The following ZNF592 variants were observed in gnomAD, a reference collection of about 807,000 sequenced individuals.
ZNF592 encodes the protein spinocerebellar ataxia, autosomal recessive 5.
A neutral mutation model predicts 80.3 loss-of-function variants in ZNF592; 11 were observed. The observed-to-expected ratio is 0.14, with a 90% CI of 0.09 to 0.23. ZNF592 has a LOEUF of 0.23. ZNF592 is among the 10% of genes least tolerant of loss of function. The pLI, the probability that ZNF592 is intolerant of heterozygous loss-of-function variation, is 1.00. For synonymous variants in ZNF592, 646 were observed against 640.3 expected, an observed-to-expected ratio of 1.01 and a Z score of -0.13; for missense variants, 1,420 against 1,633.9, an observed-to-expected ratio of 0.87 and a Z score of 2.26.
intron 2 of ZNF592, among the ~76,000 whole-genome samples, chr15:84,773,868 G>A (rs779443412): frequency 2.6e-5 from 4 of 152,150 alleles, no homozygotes; most frequent in Non-Finnish European, 5.9e-5. Flanking sequence ...TTGAGGTATG[G>A]GGAACCAAAA....
At chr15:84,771,069 G>A (rs527532580) in intron 2 of ZNF592, among the ~76,000 whole-genome samples, 1 of 152,178 alleles carries the variant, frequency 6.6e-6, no homozygotes, top group African/African-American at 2.4e-5. Flanking sequence ...GAATGGCTCC[G>A]GGAGCAGTGG....
intron 1 of ZNF592, among the ~76,000 whole-genome samples, chr15:84,754,211 T>C (rs903039218): frequency 6.6e-6 from 1 of 152,262 alleles, no homozygotes; most frequent in Non-Finnish European, 1.5e-5. Context: ...TGCGTGACTT[T>C]GGTTAAGTTC....
rs1963128966 is a variant in ZNF592 at position 84,802,486 on chromosome 15, G to A, written c.*93G>A. On this transcript the variant is annotated 3_prime_UTR_variant, in exon 11 of 11. Coordinates refer to ENST00000560079, the MANE Select transcript of ZNF592 (RefSeq NM_014630.3). Reference sequence around the variant, plus strand: ...TGGAAAATAAAAGGCTCTGCCCCCAGTGTGAGTGTGACCGGTTGTACCCTG... The same window carrying A: ...TGGAAAATAAAAGGCTCTGCCCCCAATGTGAGTGTGACCGGTTGTACCCTG... 2 of 1,445,892 alleles carry A rather than the reference G, an allele frequency of 1.4e-6. No individual in the cohort carries two copies. The highest frequency in any genetic ancestry group is 1.2e-5 in the South Asian group (1 of 82,622). The allele number at this position is 1,445,892 out of a possible 1,614,324, so 89.6% of individuals were successfully genotyped here.
chr15:84,757,482 A>G (rs2141960613), intron 1 of ZNF592, among the ~76,000 whole-genome samples: 1 of 152,000 alleles, frequency 6.6e-6, no homozygotes, highest in Middle Eastern at 3.4e-3. Flanking sequence ...AGTGGGAACT[A>G]CAGGCATGGG....
At position 84,798,499 on chromosome 15, in the gene ZNF592, C is replaced by A; in HGVS notation, c.2736+25C>A. ...GGTGGGATGCCTTGCGGGAGGAGGC[C>A]GGGGAGGAGGGCACATGCCTCAGGC... On this transcript the variant is annotated intron_variant, in intron 7 of 10. Transcript: ENST00000560079. The surrounding 1 kb of genome is among the most constrained non-coding windows in gnomAD (Gnocchi z 4.5). 6.2e-7 allele frequency: 1 copy of A among 1,613,762 alleles called. No homozygotes were observed. Among genetic ancestry groups the A allele is most frequent in the African/African-American group, 1.3e-5 (1 of 75,010 alleles).
chr15:84,790,501 T>A (rs943509926), intron 4 of ZNF592, among the ~76,000 whole-genome samples: 5 of 152,084 alleles, frequency 3.3e-5, no homozygotes, highest in African/African-American at 1.2e-4. Flanking sequence ...ATTAATAGGG[T>A]GTCAGACAAA....
intron 2 of ZNF592, among the ~76,000 whole-genome samples, chr15:84,770,919 A>G (rs957409953): frequency 1.4e-4 from 22 of 152,174 alleles, no homozygotes; most frequent in African/African-American, 5.3e-4. Flanking sequence ...TGTTCGCAGT[A>G]TAATTCTGTC....
intron 2 of ZNF592, among the ~76,000 whole-genome samples, chr15:84,767,182 T>C (rs1383185189): frequency 6.6e-6 from 1 of 151,928 alleles, no homozygotes; most frequent in Non-Finnish European, 1.5e-5. Flanking sequence ...TTTTTAGTAA[T>C]TTTTTTGTAT....
chr15:84,784,177 A>G lies in ZNF592; in HGVS notation c.1502A>G (p.Lys501Arg). Residue 501 changes from lysine (K) to arginine (R), a missense_variant, in exon 4 of 11, where the codon AAA (lysine) becomes AGA (arginine). This residue lies in a region of ZNF592 where 524 missense variants were observed against 628.3 expected (regional missense o/e 0.83). Coordinates refer to ENST00000560079, the MANE Select transcript of ZNF592 (RefSeq NM_014630.3). This position sits in a 1 kb window ranked among gnomAD's most constrained non-coding sequence, Gnocchi z 5.8. Reference protein sequence around the residue: ...STLAPANLLPKAVHLANLNLV... With the variant: ...STLAPANLLPRAVHLANLNLV... Reference sequence around the variant, plus strand: ...CTGGCCCCTGCCAACCTCCTGCCCAAAGCCGTGCACTTGGCCAACCTGAAC... The same window carrying G: ...CTGGCCCCTGCCAACCTCCTGCCCAGAGCCGTGCACTTGGCCAACCTGAAC... The G allele has an allele frequency of 6.2e-7, 1 of 1,614,168 alleles. No homozygotes were observed. The highest frequency in any genetic ancestry group is 8.5e-7 in the Non-Finnish European group (1 of 1,180,032).
chr15:84,795,676 C>A (rs766594285), intron 5 of ZNF592, among the ~76,000 whole-genome samples: 7 of 152,178 alleles, frequency 4.6e-5, no homozygotes, highest in Non-Finnish European at 8.8e-5. Context: ...TGTGGAAATA[C>A]TTCTGTGTGC....
intron 2 of ZNF592, among the ~76,000 whole-genome samples, chr15:84,770,325 C>T (rs1486105729): frequency 1.3e-5 from 2 of 152,128 alleles, no homozygotes; most frequent in Non-Finnish European, 2.9e-5. Flanking sequence ...TGAATGTCTA[C>T]TGAGGGGCTT....
chr15:84,782,916 GCGGAGAAAGACC>G lies in ZNF592; in HGVS notation c.242_253del (p.Ala81_His85delinsAsp). ...CACCAGCCGCCAGGAGTCATTTGAA[GCGGAGAAAGACC>G]ACATTACTCCCAGTCTCCTACACAA... On this transcript the variant is annotated inframe_deletion, in exon 4 of 11. Transcript: ENST00000560079. 1 of 1,614,238 alleles carries G rather than the reference GCGGAGAAAGACC, an allele frequency of 6.2e-7. No individual in the cohort carries two copies. Among genetic ancestry groups the G allele is most frequent in the Admixed American group, 1.7e-5 (1 of 60,030 alleles).
In ZNF592 at chr15:84,801,905, C is replaced by T. The variant is rs751321230; in HGVS notation, c.3316C>T (p.Pro1106Ser). The T allele has an allele frequency of 3.1e-6, 5 of 1,613,886 alleles. No individual in the cohort carries two copies. The highest frequency in any genetic ancestry group is 4.2e-6 in the Non-Finnish European group (5 of 1,179,852). The change falls in exon 11 of 11, where the codon CCA (proline) becomes TCA (serine). Residue 1106 changes from proline to serine, a missense_variant. Physicochemically the swap from Pro to Ser is moderately conservative, Grantham distance 74. Coordinates refer to ENST00000560079, the MANE Select transcript of ZNF592 (RefSeq NM_014630.3). ...KRPVSGVGDA[P>S]GTSNGATVSS... ...ACCAGTCAGTGGAGTGGGGGACGCT[C>T]CAGGCACCAGCAATGGCGCAACTGT...
In ZNF592 at chr15:84,799,298, C is replaced by G; in HGVS notation, c.3137+88C>G. 8 of 1,314,226 alleles carry G rather than the reference C, an allele frequency of 6.1e-6. No individual in the cohort carries two copies. Among genetic ancestry groups the G allele is most frequent in the South Asian group, 1.2e-5 (1 of 84,796 alleles). The allele number at this position is 1,314,226 out of a possible 1,614,324, so 81.4% of individuals were successfully genotyped here. On this transcript the variant is annotated intron_variant, in intron 9 of 10. Transcript: ENST00000560079. This position sits in a 1 kb window ranked among gnomAD's most constrained non-coding sequence, Gnocchi z 4.2. ...CTGGGGCTTTTCTGTGCTGCAAGATCAGGTGTCTAAGACAAGAGACAAGTG... is the reference window on the plus strand; with the variant it reads ...CTGGGGCTTTTCTGTGCTGCAAGATGAGGTGTCTAAGACAAGAGACAAGTG...
intron 1 of ZNF592, among the ~76,000 whole-genome samples, chr15:84,757,425 A>G (rs527634452): frequency 6.7e-6 from 1 of 150,062 alleles, no homozygotes; most frequent in East Asian, 2.0e-4. Flanking sequence ...AGCTCATTAC[A>G]GTCTTGACCT....
intron 2 of ZNF592, among the ~76,000 whole-genome samples, chr15:84,772,316 T>C (rs1334831371): frequency 1.3e-5 from 2 of 152,168 alleles, no homozygotes; most frequent in Non-Finnish European, 2.9e-5. Flanking sequence ...ACTCTTGAAC[T>C]TGTTTGCTCA....
intron 5 of ZNF592, among the ~76,000 whole-genome samples, chr15:84,794,302 T>C (rs572589582): frequency 1.3e-5 from 2 of 152,308 alleles, no homozygotes; most frequent in African/African-American, 4.8e-5. Context: ...CAGACTATTT[T>C]CCAAAGTGAC....
chr15:84,782,592 G>A (rs1028253990), intron 3 of ZNF592, 65 bp from the exon 4 acceptor site: 143 of 1,434,468 alleles, frequency 1.0e-4, no homozygotes, highest in Non-Finnish European at 1.4e-4. Context: ...TTTGATGGGT[G>A]TGTAGTGAAG....
chr15:84,783,440 C>A lies in ZNF592; in HGVS notation c.765C>A (p.Ser255=), dbSNP rs750843617. The change falls in exon 4 of 11, where the codon TCC becomes TCA. Residue 255 remains serine (S), a synonymous_variant. Transcript: ENST00000560079. The surrounding 1 kb of genome is among the most constrained non-coding windows in gnomAD (Gnocchi z 5.0). Reference sequence around the variant, plus strand: ...ATCCTAGCAACAGTATTGGAGAGTCCAAGGGGCTTGCCCGGGAGCTTGGTA... The same window carrying A: ...ATCCTAGCAACAGTATTGGAGAGTCAAAGGGGCTTGCCCGGGAGCTTGGTA... ...NSHPSNSIGE[S]KGLARELGTC... The A allele has an allele frequency of 2.5e-6, 4 of 1,614,164 alleles. No individual in the cohort carries two copies. The highest frequency in any genetic ancestry group is 3.4e-6 in the Non-Finnish European group (4 of 1,180,038).
Sources: allele counts gnomAD v4.1 joint callset (sites outside exome capture counted in the v4.1 genomes callset), GRCh38; gene constraint gnomAD v4.1.1; regional missense constraint gnomAD v4.1.1; non-coding constraint Gnocchi (gnomAD v3.1); transcripts MANE v1.5; gene names NCBI Gene and HGNC (gene_info 2026-07-23, HGNC 2026-07-21).